MRE11: variants seen among roughly 807,000 people sequenced by gnomAD.
MRE11 encodes MRE11 double strand break repair nuclease.
MRE11 carries 62 observed loss-of-function variants against 91.7 expected under a neutral mutation model. The observed-to-expected ratio is 0.68, with a 90% confidence interval of 0.55 to 0.84. The LOEUF is 0.84. Among genes scored for constraint, MRE11 ranks in the 40% least tolerant of loss-of-function variants. MRE11 has a pLI of 0.00. For missense variants in MRE11, 796 were observed against 852.9 expected, an observed-to-expected ratio of 0.93 and a Z score of 0.83; for synonymous variants, 273 against 271.4, an observed-to-expected ratio of 1.01 and a Z score of -0.06.
intron 16 of MRE11, among the ~76,000 whole-genome samples, chr11:94,444,607 C>T (rs558678893): frequency 6.6e-6 from 1 of 152,248 alleles, no homozygotes; most frequent in African/African-American, 2.4e-5. Context: ...TAGATTTGGA[C>T]AGTTGGGTAT....
chr11:94,471,450 G>A, intron 8 of MRE11, 124 bp downstream of exon 8: 2 of 859,426 alleles, frequency 2.3e-6, no homozygotes, highest in South Asian at 1.6e-5. Flanking sequence ...CAAAAATAAA[G>A]CTATCATATA....
upstream of MRE11, among the ~76,000 whole-genome samples, chr11:94,495,950 A>C (rs983380245): frequency 2.0e-5 from 3 of 152,224 alleles, no homozygotes; most frequent in African/African-American, 7.2e-5. Flanking sequence ...TATTAGTTGA[A>C]TGAAGGAATG....
At chr11:94,466,216 TA>T (rs1291005792) in intron 10 of MRE11, among the ~76,000 whole-genome samples, 2 of 152,198 alleles carry the variant, frequency 1.3e-5, no homozygotes, top group East Asian at 1.9e-4. Context: ...AATGCTAACC[TA>T]AAAAAGTTTA....
rs778781414 is a variant in MRE11, at chr11:94,459,488, C to G, written c.1420G>C (p.Val474Leu). The G allele has an allele frequency of 1.2e-6, 2 of 1,614,068 alleles. No individual in the cohort carries two copies. The highest frequency in any genetic ancestry group is 1.7e-6 in the Non-Finnish European group (2 of 1,179,946). Residue 474 changes from valine (V) to leucine (L), a missense_variant, in exon 13 of 20, where the codon GTG (valine) becomes CTG (leucine). Coordinates refer to ENST00000323929, the MANE Select transcript of MRE11 (RefSeq NM_005591.4). Reference protein sequence around the residue: ...KEEKDAIEELVKYQLEKTQRF... With the variant: ...KEEKDAIEELLKYQLEKTQRF... ...TGTGTTTTTTCCAACTGGTATTTCA[C>G]TAATTCCTCAATGGCATCTTTCTCC...
At chr11:94,427,792 A>G (rs1271510566) in intron 19 of MRE11, among the ~76,000 whole-genome samples, 3 of 152,186 alleles carry the variant, frequency 2.0e-5, no homozygotes, top group Non-Finnish European at 4.4e-5. Context: ...TCCCATTTAC[A>G]ATAGCTACAA....
chr11:94,435,415 G>A (rs1456295181), intron 18 of MRE11, among the ~76,000 whole-genome samples: 4 of 152,098 alleles, frequency 2.6e-5, no homozygotes, highest in East Asian at 1.9e-4. Flanking sequence ...AATTAGCCAC[G>A]TGTGGTGGTG....
chr11:94,470,792 A>G, intron 8 of MRE11, 150 bp from the exon 9 acceptor site: 1 of 874,496 alleles, frequency 1.1e-6, no homozygotes, highest in South Asian at 1.5e-5. Flanking sequence ...TTTAACCTTA[A>G]TGTTATCATC....
At chr11:94,491,746 A>G (rs1947289198) in intron 2 of MRE11, among the ~76,000 whole-genome samples, 1 of 152,216 alleles carries the variant, frequency 6.6e-6, no homozygotes. Flanking sequence ...ATTTTCAATA[A>G]ACCACAATGA....
At chr11:94,503,664 C>G in the MRE11 span, among the ~76,000 whole-genome samples, 1 of 151,288 alleles carries the variant, frequency 6.6e-6, no homozygotes, top group Non-Finnish European at 1.5e-5. Flanking sequence ...CCACTGCACT[C>G]CAGCCTAGGC....
upstream of MRE11, among the ~76,000 whole-genome samples, chr11:94,494,882 G>A (rs922643695): frequency 6.6e-6 from 1 of 152,176 alleles, no homozygotes; most frequent in Non-Finnish European, 1.5e-5. Flanking sequence ...TCTGTTAAGT[G>A]TTTAATGAAT....
chr11:94,463,279 C>T (rs1946470464), intron 11 of MRE11, among the ~76,000 whole-genome samples: 1 of 152,134 alleles, frequency 6.6e-6, no homozygotes, highest in African/African-American at 2.4e-5. Flanking sequence ...AGTCAGGAAA[C>T]AACAGGTGCT....
intron 4 of MRE11, among the ~76,000 whole-genome samples, chr11:94,485,252 A>G (rs1168519364): frequency 7.0e-6 from 1 of 143,486 alleles, no homozygotes; most frequent in Non-Finnish European, 1.6e-5. Context: ...AGACTCCATC[A>G]AAAAAAAAAA....
At chr11:94,446,972 A>C (rs1380337088) in intron 15 of MRE11, among the ~76,000 whole-genome samples, 1 of 152,258 alleles carries the variant, frequency 6.6e-6, no homozygotes, top group Non-Finnish European at 1.5e-5. Context: ...AACACAGTGA[A>C]GCTTTTATAA....
Position 94,467,947 on chromosome 11 carries a change from G to A in MRE11, c.1018-54C>T, listed in dbSNP as rs1946610849. 20 of 1,394,436 alleles carry A rather than the reference G, an allele frequency of 1.4e-5. No homozygotes were observed. The East Asian group carries it at 4.6e-4, about 32-fold the overall frequency. 86.4% of individuals were successfully genotyped at this position (1,394,436 alleles called of 1,614,324 possible). A position where few individuals can be genotyped will look rare whatever the true frequency, so the allele number is the denominator to read the frequency against. Reference sequence around the variant, plus strand: ...AACGTAGTAAACTGAGTTTAACTTGGCTGAATAGCAGCTTATTACCACAGG... The same window carrying A: ...AACGTAGTAAACTGAGTTTAACTTGACTGAATAGCAGCTTATTACCACAGG... On this transcript the variant is annotated intron_variant, in intron 9 of 19. Coordinates refer to ENST00000323929, the MANE Select transcript of MRE11 (RefSeq NM_005591.4).
intron 14 of MRE11, among the ~76,000 whole-genome samples, chr11:94,448,283 A>G (rs1041168593): frequency 2.0e-5 from 3 of 152,124 alleles, no homozygotes; most frequent in Admixed American, 1.3e-4. Flanking sequence ...ATATATGGTA[A>G]AGAGAATTAA....
chr11:94,428,352 T>C (rs989467916), intron 19 of MRE11, among the ~76,000 whole-genome samples: 5 of 152,038 alleles, frequency 3.3e-5, no homozygotes, highest in African/African-American at 1.2e-4. Context: ...CAGAAGAAAA[T>C]GGATCCCTAC....
chr11:94,457,532 G>T (rs557261129), intron 13 of MRE11, among the ~76,000 whole-genome samples: 5 of 152,252 alleles, frequency 3.3e-5, no homozygotes, highest in South Asian at 4.1e-4. Context: ...TTTAAAAGAT[G>T]AGACAGTATG....
intron 3 of MRE11, 64 bp from the exon 4 acceptor site, chr11:94,486,148 G>C (rs1947137984): frequency 6.7e-7 from 1 of 1,482,126 alleles, no homozygotes. Context: ...GTAAACTACA[G>C]ATGAAAGAGA....
chr11:94,503,395 G>A, the MRE11 span, among the ~76,000 whole-genome samples: 78 of 152,052 alleles, frequency 5.1e-4, 1 homozygote, highest in Admixed American at 5.1e-3. Flanking sequence ...AATCATAAGA[G>A]CCAAAGCAAT....
Sources: allele counts gnomAD v4.1 joint callset (sites outside exome capture counted in the v4.1 genomes callset), GRCh38; gene constraint gnomAD v4.1.1; transcripts MANE v1.5; gene names NCBI Gene and HGNC (gene_info 2026-07-23, HGNC 2026-07-21).